Variants in GADD45GIP1 observed in about 807,000 individuals in gnomAD.
GADD45GIP1 encodes large ribosomal subunit protein mL64.
Under a neutral mutation model 22.1 loss-of-function variants are expected in GADD45GIP1, and 17 were observed. That is an observed-to-expected ratio of 0.77 (90% CI 0.53 to 1.15). GADD45GIP1 has a LOEUF of 1.15. Among genes scored for constraint, GADD45GIP1 ranks in the 50% most tolerant of loss-of-function variants. The pLI is 0.00. For synonymous variants in GADD45GIP1, 135 were observed against 138.4 expected (o/e 0.98, Z 0.17); for missense variants, 294 against 314.0 (o/e 0.94, Z 0.48).
chr19:12,956,422 G>A (rs1188576166), intron 1 of GADD45GIP1, among the ~76,000 whole-genome samples: 1 of 152,206 alleles, frequency 6.6e-6, no homozygotes, highest in Non-Finnish European at 1.5e-5. Flanking sequence ...GGGAGGCTGA[G>A]GCAGGTGGAT....
intron 1 of GADD45GIP1, 87 bp downstream of exon 1, chr19:12,956,776 G>T: frequency 1.8e-6 from 2 of 1,139,392 alleles, no homozygotes; most frequent in Non-Finnish European, 2.6e-6. Context: ...ATGCTGCGAC[G>T]TGACCCCGAA....
rs748030479 is a variant in GADD45GIP1 at position 12,954,305 on chromosome 19, T to G, written c.572A>C (p.Lys191Thr). ...DLEKKERKRLKEEKQKRKKEA... is the reference protein window; with the variant it reads ...DLEKKERKRLTEEKQKRKKEA... ...CTTCTTCCGTTTCTGTTTTTCCTCC[T>G]TGAGGCGCTTGCGCTCCTTCTTCTC... The change falls in exon 2 of 2, where the codon AAG becomes ACG. Residue 191 changes from lysine to threonine, a missense_variant. Transcript: ENST00000316939. The G allele has an allele frequency of 2.5e-6, 4 of 1,613,926 alleles. No homozygotes were observed. The highest frequency in any genetic ancestry group is 1.1e-5 in the South Asian group (1 of 91,090).
intron 1 of GADD45GIP1, among the ~76,000 whole-genome samples, chr19:12,955,754 G>C (rs1167200206): frequency 2.0e-5 from 3 of 152,020 alleles, no homozygotes; most frequent in African/African-American, 4.8e-5. Flanking sequence ...CCAGCTACTC[G>C]GGAGGCTGAA....
In GADD45GIP1 at chr19:12,954,151, G is replaced by A. The variant is rs1025907941; in HGVS notation, c.*57C>T. Reference sequence around the variant, plus strand: ...CCAGAGAGGCACACCTTGAGAGGACGCAGATCTCTTCAGGGGTACTGCCAG... The same window carrying A: ...CCAGAGAGGCACACCTTGAGAGGACACAGATCTCTTCAGGGGTACTGCCAG... On this transcript the variant is annotated 3_prime_UTR_variant, in exon 2 of 2. Transcript: ENST00000316939. 13 of 1,441,448 alleles carry A rather than the reference G, an allele frequency of 9.0e-6. No homozygotes were observed. Among genetic ancestry groups the A allele is most frequent in the Non-Finnish European group, 2.9e-6 (3 of 1,048,266 alleles). The allele number at this position is 1,441,448 out of a possible 1,614,324, so 89.3% of individuals were successfully genotyped here.
rs752906160 is a variant in GADD45GIP1 at position 12,957,040 on chromosome 19, G to C, written c.173C>G (p.Ala58Gly). The C allele has an allele frequency of 6.3e-7, 1 of 1,587,180 alleles. No individual in the cohort carries two copies. The highest frequency in any genetic ancestry group is 8.5e-7 in the Non-Finnish European group (1 of 1,174,694). The change falls in exon 1 of 2, where the codon GCT becomes GGT. Residue 58 changes from alanine (A) to glycine (G), a missense_variant. Coordinates refer to ENST00000316939, the MANE Select transcript of GADD45GIP1 (RefSeq NM_052850.4). ...PRWQLGPRYA[A>G]KQFARYGAAS... is the part of the protein sequence containing the mutation. ...GGCGCCGTAACGCGCGAACTGCTTAGCCGCGTAGCGCGGTCCCAGCTGCCA... is the reference window on the plus strand; with the variant it reads ...GGCGCCGTAACGCGCGAACTGCTTACCCGCGTAGCGCGGTCCCAGCTGCCA...
In GADD45GIP1 at chr19:12,954,154, G is replaced by A. The variant is rs1365265234; in HGVS notation, c.*54C>T. ...GAGAGGCACACCTTGAGAGGACGCA[G>A]ATCTCTTCAGGGGTACTGCCAGGTA... On this transcript the variant is annotated 3_prime_UTR_variant, in exon 2 of 2. Transcript: ENST00000316939. The A allele has an allele frequency of 7.5e-6, 11 of 1,471,310 alleles. No individual in the cohort carries two copies. The African/African-American group carries it at 9.8e-5, about 13-fold the overall frequency. The allele number at this position is 1,471,310 out of a possible 1,614,324, so 91.1% of individuals were successfully genotyped here.
rs1971895220 is a variant in GADD45GIP1, at chr19:12,954,306, TGAG to T, written c.568_570del (p.Leu190del). The T allele has an allele frequency of 1.2e-6, 2 of 1,613,796 alleles. No homozygotes were observed. Among genetic ancestry groups the T allele is most frequent in the Non-Finnish European group, 1.7e-6 (2 of 1,179,776 alleles). On this transcript the variant is annotated inframe_deletion, in exon 2 of 2. Coordinates refer to ENST00000316939, the MANE Select transcript of GADD45GIP1 (RefSeq NM_052850.4). ...TTCTTCCGTTTCTGTTTTTCCTCCT[TGAG>T]GCGCTTGCGCTCCTTCTTCTCTAGG...
Position 12,957,209 on chromosome 19 carries a change from C to A in GADD45GIP1, c.4G>T (p.Ala2Ser). M[A>S]ASVRQARSLL... ...CTGCGTGCCTGTCGCACGGACGCCG[C>A]CATCTTGGCTGTGCGGGGTCCTCAC... The change falls in exon 1 of 2, where the codon GCG (alanine) becomes TCG (serine). Residue 2 changes from alanine (A) to serine (S), a missense_variant. Physicochemically the swap from Ala to Ser is moderately conservative, Grantham distance 99. Coordinates refer to ENST00000316939, the MANE Select transcript of GADD45GIP1 (RefSeq NM_052850.4). 1 of 1,393,620 alleles carries A rather than the reference C, an allele frequency of 7.2e-7. No individual in the cohort carries two copies. The highest frequency in any genetic ancestry group is 2.7e-4 in the Middle Eastern group (1 of 3,744). The allele number at this position is 1,393,620 out of a possible 1,614,324, so 86.3% of individuals were successfully genotyped here.
rs1949716857 is a variant in GADD45GIP1 at position 12,954,100 on chromosome 19, A to C, written c.*108T>G. On this transcript the variant is annotated 3_prime_UTR_variant, in exon 2 of 2. Transcript: ENST00000316939. ...CCAAGTGGGGGATTCCCCAGCTCTTAAGTATTGGGGGAGGAACCAGGGGAC... is the reference window on the plus strand; with the variant it reads ...CCAAGTGGGGGATTCCCCAGCTCTTCAGTATTGGGGGAGGAACCAGGGGAC... The C allele has an allele frequency of 2.1e-6, 2 of 943,306 alleles. No individual in the cohort carries two copies. The highest frequency in any genetic ancestry group is 2.3e-5 in the Admixed American group (1 of 43,724). 58.4% of individuals were successfully genotyped at this position (943,306 alleles called of 1,614,324 possible). A position where few individuals can be genotyped will look rare whatever the true frequency, so the allele number is the denominator to read the frequency against.
rs947655428 is a variant in GADD45GIP1, at chr19:12,953,804, C to G, written c.*404G>C. The G allele has an allele frequency of 2.3e-5, 4 of 171,264 alleles. No individual in the cohort carries two copies. The highest frequency in any genetic ancestry group is 1.8e-4 in the Admixed American group (3 of 16,664). 10.6% of individuals were successfully genotyped at this position (171,264 alleles called of 1,614,324 possible). On this transcript the variant is annotated 3_prime_UTR_variant, in exon 2 of 2. Transcript: ENST00000316939. The stretch of plus-strand genomic sequence containing the variant: ...TCCGGTGTCTCCTCCCCCAGTGTGT[C>G]ATTTCCAGGCAGTGGACCCCAGCCC...
chr19:12,954,458 CGCTGCTGCT>C lies in GADD45GIP1; in HGVS notation c.410_418del (p.Gln137_Gln139del). Reference sequence around the variant, plus strand: ...AGCCTGGGCCTTCTCCCAGTTCTCCCGCTGCTGCTGCTGCCAGTTCACAATCATCTGTGG... The same window carrying C: ...AGCCTGGGCCTTCTCCCAGTTCTCCCGCTGCCAGTTCACAATCATCTGTGG... On this transcript the variant is annotated inframe_deletion, in exon 2 of 2. Transcript: ENST00000316939. The C allele has an allele frequency of 6.2e-7, 1 of 1,614,124 alleles. No homozygotes were observed. Among genetic ancestry groups the C allele is most frequent in the Non-Finnish European group, 8.5e-7 (1 of 1,180,002 alleles).
chr19:12,954,959 A>T (rs1165152312), intron 1 of GADD45GIP1, among the ~76,000 whole-genome samples: 1 of 151,992 alleles, frequency 6.6e-6, no homozygotes, highest in African/African-American at 2.4e-5. Flanking sequence ...TCACAGCCCC[A>T]TTTTTTTCTT....
rs763177051 is a variant in GADD45GIP1 at position 12,957,167 on chromosome 19, C to T, written c.46G>A (p.Ala16Thr). The change falls in exon 1 of 2, where the codon GCG (alanine) becomes ACG (threonine). Residue 16 changes from alanine to threonine, a missense_variant. Coordinates refer to ENST00000316939, the MANE Select transcript of GADD45GIP1 (RefSeq NM_052850.4). ...CCACGGGAACCCGGGGCCAGGGTCG[C>T]CGCCACACCTAGTAGGCTGCGTGCC... ...RQARSLLGVAATLAPGSRGYR... is the reference protein window; with the variant it reads ...RQARSLLGVATTLAPGSRGYR... 13 of 1,421,464 alleles carry T rather than the reference C, an allele frequency of 9.1e-6. No individual in the cohort carries two copies. Among genetic ancestry groups the T allele is most frequent in the Non-Finnish European group, 1.2e-5 (13 of 1,101,496 alleles). The allele number at this position is 1,421,464 out of a possible 1,614,324, so 88.1% of individuals were successfully genotyped here. A position where few individuals can be genotyped will look rare whatever the true frequency, so the allele number is the denominator to read the frequency against.
chr19:12,954,260 A>C lies in GADD45GIP1; in HGVS notation c.617T>G (p.Leu206Trp). The change falls in exon 2 of 2, where the codon TTG becomes TGG. Residue 206 changes from leucine to tryptophan, a missense_variant. Leu to Trp is a moderately conservative substitution (Grantham distance 61). Transcript: ENST00000316939. The stretch of plus-strand genomic sequence containing the variant: ...TGGGTCTTGAGCCACAGCTGCAGCC[A>C]ATGCAGCAGCTCGCGCCTCCTTCTT... ...KRKKEARAAA[L>W]AAAVAQDPAA... The C allele has an allele frequency of 6.2e-7, 1 of 1,613,858 alleles. No homozygotes were observed. The highest frequency in any genetic ancestry group is 8.5e-7 in the Non-Finnish European group (1 of 1,180,008).
In GADD45GIP1 at chr19:12,957,120, CG is replaced by C. The variant is rs1468769915; in HGVS notation, c.92del (p.Pro31ArgfsTer16). On this transcript the variant is annotated frameshift_variant, in exon 1 of 2. Transcript: ENST00000316939. LOFTEE classifies it high-confidence loss of function. ...GSRGYRARPP[P>X]RRRPGPRWPD... is the part of the protein sequence containing the mutation. Reference sequence around the variant, plus strand: ...GCCACCGGGGTCCCGGCCTGCGGCGCGGGGGCGGCCGCGCCCGGTAGCCACG... The same window carrying C: ...GCCACCGGGGTCCCGGCCTGCGGCGCGGGGCGGCCGCGCCCGGTAGCCACG... The C allele has an allele frequency of 5.0e-5, 71 of 1,417,806 alleles. No homozygotes were observed. Among genetic ancestry groups the C allele is most frequent in the Non-Finnish European group, 6.1e-5 (67 of 1,099,162 alleles). 87.8% of individuals were successfully genotyped at this position (1,417,806 alleles called of 1,614,324 possible).
chr19:12,956,942 C>T lies in GADD45GIP1; in HGVS notation c.271G>A (p.Glu91Lys). Reference sequence around the variant, plus strand: ...ATGGTCGCCAGGCTCGGGTACCATTCGCGTTCTTCGGCCTCCAGCTCCCGC... The same window carrying T: ...ATGGTCGCCAGGCTCGGGTACCATTTGCGTTCTTCGGCCTCCAGCTCCCGC... ...QLRELEAEER[E>K]WYPSLATMQE... Residue 91 changes from glutamate to lysine, a missense_variant, in exon 1 of 2, where the codon GAA (glutamate) becomes AAA (lysine). Glu to Lys is a moderately conservative substitution (Grantham distance 56). Coordinates refer to ENST00000316939, the MANE Select transcript of GADD45GIP1 (RefSeq NM_052850.4). 2.5e-6 allele frequency: 4 copies of T among 1,599,604 alleles called. No individual in the cohort carries two copies. The highest frequency in any genetic ancestry group is 3.4e-6 in the Non-Finnish European group (4 of 1,179,788).
At chr19:12,956,256 C>T (rs1971922874) in intron 1 of GADD45GIP1, among the ~76,000 whole-genome samples, 1 of 152,214 alleles carries the variant, frequency 6.6e-6, no homozygotes, top group African/African-American at 2.4e-5. Flanking sequence ...ATTAAGGGCC[C>T]TTTTGGGGCC....
At chr19:12,955,909 C>G (rs1282769971) in intron 1 of GADD45GIP1, among the ~76,000 whole-genome samples, 1 of 152,170 alleles carries the variant, frequency 6.6e-6, no homozygotes, top group East Asian at 1.9e-4. Flanking sequence ...AGACCTGCCT[C>G]TGTATCTGAC....
Position 12,954,125 on chromosome 19 carries a change from C to T in GADD45GIP1, c.*83G>A. Reference sequence around the variant, plus strand: ...AAGTATTGGGGGAGGAACCAGGGGACCCAGAGAGGCACACCTTGAGAGGAC... The same window carrying T: ...AAGTATTGGGGGAGGAACCAGGGGATCCAGAGAGGCACACCTTGAGAGGAC... On this transcript the variant is annotated 3_prime_UTR_variant, in exon 2 of 2. Transcript: ENST00000316939. 2 of 1,214,060 alleles carry T rather than the reference C, an allele frequency of 1.6e-6. No individual in the cohort carries two copies. Among genetic ancestry groups the T allele is most frequent in the Non-Finnish European group, 1.2e-6 (1 of 853,504 alleles). The allele number at this position is 1,214,060 out of a possible 1,614,324, so 75.2% of individuals were successfully genotyped here. A position where few individuals can be genotyped will look rare whatever the true frequency, so the allele number is the denominator to read the frequency against.
Sources: gnomAD v4.1 joint callset for allele counts (sites outside exome capture counted in the v4.1 genomes callset) on GRCh38, gnomAD v4.1.1 for gene constraint, MANE v1.5 for transcripts, NCBI Gene and HGNC (gene_info 2026-07-23, HGNC 2026-07-21) for gene names.